RAB11FIP3: variants seen among roughly 807,000 people sequenced by gnomAD.
The protein encoded by RAB11FIP3 is rab11 family-interacting protein 3.
Under a neutral mutation model 77.8 loss-of-function variants are expected in RAB11FIP3, and 17 were observed. That is an observed-to-expected ratio of 0.22 (90% CI 0.15 to 0.33). RAB11FIP3 has a LOEUF of 0.33. Ranked by LOEUF, RAB11FIP3 falls within the 10% of genes least tolerant of loss-of-function variation. The probability of loss-of-function intolerance (pLI) is 1.00; values close to 1 mark genes in which losing one functional copy is unlikely to be tolerated. For missense variants in RAB11FIP3, 1,005 were observed against 1,011.2 expected, an observed-to-expected ratio of 0.99 and a Z score of 0.08; for synonymous variants, 437 against 448.2, an observed-to-expected ratio of 0.98 and a Z score of 0.31.
At chr16:447,703 G>A (rs1055567903) in intron 1 of RAB11FIP3, among the ~76,000 whole-genome samples, 1 of 151,958 alleles carries the variant, frequency 6.6e-6, no homozygotes, top group South Asian at 2.1e-4. Context: ...GCGCCACTGC[G>A]CTCCAGCCTG....
At chr16:434,330 C>T (rs2055091851) in intron 1 of RAB11FIP3, among the ~76,000 whole-genome samples, 1 of 152,182 alleles carries the variant, frequency 6.6e-6, no homozygotes. Flanking sequence ...GCCATGTTAG[C>T]CCAGGCTGGT....
chr16:460,928 C>T (rs968664295), intron 1 of RAB11FIP3, among the ~76,000 whole-genome samples: 2 of 152,152 alleles, frequency 1.3e-5, no homozygotes, highest in African/African-American at 4.8e-5. Flanking sequence ...GCCTCCTGCA[C>T]GTGAGGAGTC....
intron 1 of RAB11FIP3, among the ~76,000 whole-genome samples, chr16:455,821 G>T (rs2055494180): frequency 6.6e-6 from 1 of 152,080 alleles, no homozygotes; most frequent in African/African-American, 2.4e-5. Flanking sequence ...GAACTCTTGG[G>T]CTCAAGTGAT....
At chr16:441,334 C>T (rs955381993) in intron 1 of RAB11FIP3, among the ~76,000 whole-genome samples, 6 of 152,162 alleles carry the variant, frequency 3.9e-5, no homozygotes, top group African/African-American at 9.7e-5. Flanking sequence ...CTAAGTCGTG[C>T]GTATCCACGA....
intron 1 of RAB11FIP3, among the ~76,000 whole-genome samples, chr16:445,828 T>C (rs2055306874): frequency 6.6e-6 from 1 of 152,110 alleles, no homozygotes; most frequent in Non-Finnish European, 1.5e-5. Flanking sequence ...CCAGCAAGAA[T>C]GGGACAGACC....
rs1384116887 is a variant in RAB11FIP3 at position 426,038 on chromosome 16, G to T, written c.32G>T (p.Gly11Val). The T allele has an allele frequency of 3.0e-6, 3 of 995,930 alleles. No homozygotes were observed. The highest frequency in any genetic ancestry group is 3.5e-5 in the African/African-American group (2 of 56,784). The allele number at this position is 995,930 out of a possible 1,614,324, so 61.7% of individuals were successfully genotyped here. Reference sequence around the variant, plus strand: ...TCGGCCCCGCCGGCCTCGCCCCCGGGCTCGGAGCCGCCGGGGCCCGACCCG... The same window carrying T: ...TCGGCCCCGCCGGCCTCGCCCCCGGTCTCGGAGCCGCCGGGGCCCGACCCG... MASAPPASPP[G>V]SEPPGPDPEP... is the part of the protein sequence containing the mutation. Residue 11 changes from glycine to valine, a missense_variant, in exon 1 of 14, where the codon GGC becomes GTC. Gly to Val is a moderately radical substitution (Grantham distance 109). This residue lies in a region of RAB11FIP3 where 466 missense variants were observed against 408.3 expected (regional missense o/e 1.14). Transcript: ENST00000262305. This position sits in a 1 kb window ranked among gnomAD's most constrained non-coding sequence, Gnocchi z 5.0.
rs932536255 is a variant in RAB11FIP3, at chr16:472,559, C to A, written c.903+1170C>A. Among the ~76,000 whole-genome samples, 1 of 152,150 alleles carries A rather than the reference C, an allele frequency of 6.6e-6. No individual in the cohort carries two copies. Among genetic ancestry groups the A allele is most frequent in the South Asian group, 2.1e-4 (1 of 4,824 alleles). On this transcript the variant is annotated intron_variant, in intron 3 of 13. Transcript: ENST00000262305. This position sits in a 1 kb window ranked among gnomAD's most constrained non-coding sequence, Gnocchi z 4.1. Reference sequence around the variant, plus strand: ...CCCTGAGAAGGACCCGGCTTCTTCACGAGGAGATGCCCAAGGCTCTGCAGG... The same window carrying A: ...CCCTGAGAAGGACCCGGCTTCTTCAAGAGGAGATGCCCAAGGCTCTGCAGG...
chr16:520,378 C>T lies in RAB11FIP3; in HGVS notation c.2017-81C>T, dbSNP rs1313728247. 8 of 1,590,516 alleles carry T rather than the reference C, an allele frequency of 5.0e-6. No individual in the cohort carries two copies. In the Admixed American group the frequency reaches 1.4e-4, roughly 27 times the overall value. ...GGAGGGTCAGCATCTGAGCTGGAGG[C>T]CTTTTTCCCCGGGCAGTCCTTGTCC... On this transcript the variant is annotated intron_variant, in intron 12 of 13. Coordinates refer to ENST00000262305, the MANE Select transcript of RAB11FIP3 (RefSeq NM_014700.4).
chr16:475,215 G>T, intron 3 of RAB11FIP3: 1 of 1,201,464 alleles, frequency 8.3e-7, no homozygotes, highest in South Asian at 2.5e-5. Context: ...AGTTACTGAT[G>T]GCCCTGAACG....
intron 6 of RAB11FIP3, among the ~76,000 whole-genome samples, chr16:498,305 C>T (rs746073843): frequency 3.9e-5 from 6 of 152,076 alleles, no homozygotes; most frequent in Non-Finnish European, 5.9e-5. Flanking sequence ...TCCTGAGGAC[C>T]TGGGACTACA....
intron 3 of RAB11FIP3, among the ~76,000 whole-genome samples, chr16:476,893 A>C (rs1195993783): frequency 6.6e-6 from 1 of 152,126 alleles, no homozygotes; most frequent in Non-Finnish European, 1.5e-5. Flanking sequence ...GTTCGAGACC[A>C]GCCTGACCAA....
At chr16:497,485 G>A in intron 6 of RAB11FIP3, 2 of 1,195,398 alleles carry the variant, frequency 1.7e-6, no homozygotes, top group Non-Finnish European at 2.1e-6. Flanking sequence ...TGCCTTCCTA[G>A]TCCCCGTCCT....
chr16:463,211 G>A (rs1375867219), intron 2 of RAB11FIP3, among the ~76,000 whole-genome samples: 3 of 151,920 alleles, frequency 2.0e-5, no homozygotes, highest in Admixed American at 6.6e-5. Context: ...TGACGGTGGC[G>A]GGTCCTTTCC....
intron 1 of RAB11FIP3, among the ~76,000 whole-genome samples, chr16:453,784 G>A (rs983928831): frequency 9.9e-5 from 15 of 151,486 alleles, no homozygotes; most frequent in African/African-American, 2.7e-4. Context: ...AAGTAGAGGC[G>A]GGGTTTCACC....
rs112341365 is a variant in RAB11FIP3 at position 482,453 on chromosome 16, CAGT to C, written c.904-71_904-69del. The C allele has an allele frequency of 1.8e-3, 2,521 of 1,405,974 alleles. 37 individuals are homozygous for C. The African/African-American group carries it at 0.03, about 17-fold the overall frequency. The allele number at this position is 1,405,974 out of a possible 1,614,324, so 87.1% of individuals were successfully genotyped here. On this transcript the variant is annotated intron_variant, in intron 3 of 13. Coordinates refer to ENST00000262305, the MANE Select transcript of RAB11FIP3 (RefSeq NM_014700.4). ...CACTGCCCTCTCCAGGGCCTTGCAG[CAGT>C]GAGGTGTGGGGCGTTCGCAGTTCCC...
rs2031894590 is a variant in RAB11FIP3, at chr16:506,744, A to G, written c.1499+1117A>G. On this transcript the variant is annotated intron_variant, in intron 8 of 13. Coordinates refer to ENST00000262305, the MANE Select transcript of RAB11FIP3 (RefSeq NM_014700.4). This position sits in a 1 kb window ranked among gnomAD's most constrained non-coding sequence, Gnocchi z 4.5. ...CATTTTAATTCTAACAAAGCAAAGC[A>G]TGTGCTCTTGTGGAGTGAAGACCCT... Among the ~76,000 whole-genome samples the G allele has an allele frequency of 6.6e-6, 1 of 152,204 alleles. No homozygotes were observed. The highest frequency in any genetic ancestry group is 2.4e-5 in the African/African-American group (1 of 41,450).
intron 11 of RAB11FIP3, 37 bp from the exon 12 acceptor site, chr16:520,085 C>T (rs1404466728): frequency 1.3e-6 from 2 of 1,539,974 alleles, no homozygotes; most frequent in Non-Finnish European, 1.7e-6. Context: ...CCCCTGGGAG[C>T]CCAGGCCCCC....
At chr16:430,327 CTG>C (rs2055016352) in intron 1 of RAB11FIP3, among the ~76,000 whole-genome samples, 1 of 152,110 alleles carries the variant, frequency 6.6e-6, no homozygotes, top group Non-Finnish European at 1.5e-5. Flanking sequence ...AAGATTATAA[CTG>C]TAATTTACAT....
intron 1 of RAB11FIP3, among the ~76,000 whole-genome samples, chr16:454,727 G>C (rs371711234): frequency 6.6e-6 from 1 of 152,054 alleles, no homozygotes; most frequent in Admixed American, 6.6e-5. Context: ...TCACATACAG[G>C]CTCTTTCTCA....
Sources: allele counts gnomAD v4.1 joint callset (sites outside exome capture counted in the v4.1 genomes callset), GRCh38; gene constraint gnomAD v4.1.1; regional missense constraint gnomAD v4.1.1; non-coding constraint Gnocchi (gnomAD v3.1); transcripts MANE v1.5; gene names NCBI Gene and HGNC (gene_info 2026-07-23, HGNC 2026-07-21).